Variants in MLLT6 observed in about 807,000 individuals in gnomAD.
The protein encoded by MLLT6 is protein AF-17.
In MLLT6, 22 loss-of-function variants were observed where a neutral mutation model predicts 103.0. The observed-to-expected ratio is 0.21, with a 90% CI of 0.15 to 0.31. The LOEUF (loss-of-function observed/expected upper bound fraction) is 0.31, where lower values mean the gene tolerates loss of function less well. Ranked by LOEUF, MLLT6 falls within the 10% of genes least tolerant of loss-of-function variation. MLLT6 has a pLI of 1.00. For synonymous variants in MLLT6, 606 were observed against 623.5 expected (o/e 0.97, Z 0.42); for missense variants, 1,199 against 1,441.7 (o/e 0.83, Z 2.73).
chr17:38,712,066 C>T (rs1381490142), intron 7 of MLLT6, 52 bp downstream of exon 7: 1 of 1,477,956 alleles, frequency 6.8e-7, no homozygotes, highest in Non-Finnish European at 9.0e-7. Context: ...CTTGGAGACT[C>T]ACAAACATGG....
Position 38,727,402 on chromosome 17 carries a change from C to T in MLLT6, c.*1804C>T, listed in dbSNP as rs1906097977. 4.3e-6 allele frequency: 1 copy of T among 230,542 alleles called. No individual in the cohort carries two copies. The highest frequency in any genetic ancestry group is 2.2e-5 in the African/African-American group (1 of 45,086). 14.3% of individuals were successfully genotyped at this position (230,542 alleles called of 1,614,324 possible). A position where few individuals can be genotyped will look rare whatever the true frequency, so the allele number is the denominator to read the frequency against. ...GTTGTGATGACCTCAGAAATACTCA[C>T]TTTTTATTAATGCTAAATATGTTAG... On this transcript the variant is annotated 3_prime_UTR_variant, in exon 20 of 20. Coordinates refer to ENST00000621332, the MANE Select transcript of MLLT6 (RefSeq NM_005937.4).
At position 38,729,610 on chromosome 17, in the gene MLLT6, CA is replaced by C; in HGVS notation, c.*4013del. 1 of 232,390 alleles carries C rather than the reference CA, an allele frequency of 4.3e-6. No individual in the cohort carries two copies. Among genetic ancestry groups the C allele is most frequent in the Non-Finnish European group, 8.5e-6 (1 of 117,290 alleles). The allele number at this position is 232,390 out of a possible 1,614,324, so 14.4% of individuals were successfully genotyped here. ...ATTGCAAACCCAGGGGCTCCTTTTT[CA>C]TTCTTTCTAAAACCTTGATATCCTC... On this transcript the variant is annotated 3_prime_UTR_variant, in exon 20 of 20. Transcript: ENST00000621332.
In MLLT6 at chr17:38,727,590, G is replaced by T. The variant is rs530269434; in HGVS notation, c.*1992G>T. The stretch of plus-strand genomic sequence containing the variant: ...GGCTGAGGCGGGCGGATCACTTAAG[G>T]TCAGGAGTTCAAGACCAGCCTGGCC... On this transcript the variant is annotated 3_prime_UTR_variant, in exon 20 of 20. Transcript: ENST00000621332. 1.5e-5 allele frequency: 3 copies of T among 194,088 alleles called. No individual in the cohort carries two copies. Among genetic ancestry groups the T allele is most frequent in the South Asian group, 1.9e-4 (1 of 5,160 alleles). The allele number at this position is 194,088 out of a possible 1,614,324, so 12.0% of individuals were successfully genotyped here. A position where few individuals can be genotyped will look rare whatever the true frequency, so the allele number is the denominator to read the frequency against.
chr17:38,720,722 A>G lies in MLLT6; in HGVS notation c.2417A>G (p.Asp806Gly), dbSNP rs1212382796. The G allele has an allele frequency of 6.2e-7, 1 of 1,613,854 alleles. No homozygotes were observed. The highest frequency in any genetic ancestry group is 8.5e-7 in the Non-Finnish European group (1 of 1,180,030). ...CCGGGAAAGAGCAGCCTCGGCCTGG[A>G]CAACTCGCTGTCCACTTCTTCTGAG... ...SPPGKSSLGL[D>G]NSLSTSSEDP... The change falls in exon 16 of 20, where the codon GAC becomes GGC. Residue 806 changes from aspartate (D) to glycine (G), a missense_variant. Asp to Gly is a moderately conservative substitution (Grantham distance 94, BLOSUM62 -1). Around this residue, in one of 7 missense-constraint regions of MLLT6, gnomAD observed 1,034 missense variants for 1,091.5 expected, o/e 0.95. Transcript: ENST00000621332.
chr17:38,705,884 T>TC (rs1205486035), intron 1 of MLLT6, 143 bp downstream of exon 1: 1 of 290,148 alleles, frequency 3.4e-6, no homozygotes, highest in Non-Finnish European at 6.2e-6. Context: ...TAGGGGGAGC[T>TC]CCCCCCGCCC....
intron 8 of MLLT6, 150 bp from the exon 9 acceptor site, chr17:38,715,462 T>C: frequency 1.5e-6 from 2 of 1,360,264 alleles, no homozygotes; most frequent in Non-Finnish European, 1.9e-6. Flanking sequence ...TAGGAGCTCC[T>C]GGCCACTCCC....
In MLLT6 at chr17:38,716,811, C is replaced by A. The variant is rs1459380294; in HGVS notation, c.1481C>A (p.Ala494Asp). 3.7e-6 allele frequency: 6 copies of A among 1,611,842 alleles called. No individual in the cohort carries two copies. Among genetic ancestry groups the A allele is most frequent in the Non-Finnish European group, 5.1e-6 (6 of 1,178,960 alleles). The stretch of plus-strand genomic sequence containing the variant: ...AACAAGGAGGGCACTGGGGGCCCAG[C>A]TGCCCCATCCTTGCCCAGTGCCCAG... ...SRNKEGTGGP[A>D]APSLPSAQLA... The change falls in exon 10 of 20, where the codon GCT becomes GAT. Residue 494 changes from alanine (A) to aspartate (D), a missense_variant. This residue lies in a region of MLLT6 where 1,034 missense variants were observed against 1,091.5 expected (regional missense o/e 0.95). Transcript: ENST00000621332. This position sits in a 1 kb window ranked among gnomAD's most constrained non-coding sequence, Gnocchi z 5.6.
intron 8 of MLLT6, chr17:38,715,382 C>T (rs1184137339): frequency 1.8e-6 from 1 of 558,262 alleles, no homozygotes; most frequent in Non-Finnish European, 3.0e-6. Context: ...CAGACACCTT[C>T]TTGGGTTCAG....
rs1346405406 is a variant in MLLT6, at chr17:38,715,938, T to G, written c.1036+110T>G. On this transcript the variant is annotated intron_variant, in intron 9 of 19. Coordinates refer to ENST00000621332, the MANE Select transcript of MLLT6 (RefSeq NM_005937.4). ...TTTTGCATCTCATTTACTTCTCCATTGGTTCAGGATAAAGATGGGGAATCC... is the reference window on the plus strand; with the variant it reads ...TTTTGCATCTCATTTACTTCTCCATGGGTTCAGGATAAAGATGGGGAATCC... 6.2e-6 allele frequency: 6 copies of G among 967,294 alleles called. No individual in the cohort carries two copies. The Admixed American group carries it at 1.2e-4, about 20-fold the overall frequency. 59.9% of individuals were successfully genotyped at this position (967,294 alleles called of 1,614,324 possible).
intron 19 of MLLT6, 146 bp from the exon 20 acceptor site, chr17:38,725,411 C>T (rs924706402): frequency 2.8e-6 from 2 of 714,604 alleles, no homozygotes; most frequent in Non-Finnish European, 4.7e-6. Flanking sequence ...GGCCCTGGTG[C>T]ACACCCCTCA....
intron 17 of MLLT6, 66 bp from the exon 18 acceptor site, chr17:38,722,612 G>C: frequency 1.2e-6 from 1 of 858,726 alleles, no homozygotes; most frequent in Non-Finnish European, 1.9e-6. Context: ...AGGAGCAGGA[G>C]TGTTTCCCTG....
In MLLT6 at chr17:38,717,660, C is replaced by T. The variant is rs775515835; in HGVS notation, c.1833+47C>T. The T allele has an allele frequency of 3.2e-6, 5 of 1,582,004 alleles. No homozygotes were observed. The African/African-American group carries it at 5.4e-5, about 17-fold the overall frequency. ...CCTCCTTCCCTGGGCAGGTTGGGGA[C>T]AGACTGACAGAGGACCCCAGCCTTC... On this transcript the variant is annotated intron_variant, in intron 11 of 19. Coordinates refer to ENST00000621332, the MANE Select transcript of MLLT6 (RefSeq NM_005937.4).
Position 38,726,399 on chromosome 17 carries a change from G to GTC in MLLT6, c.*802_*803insCT, listed in dbSNP as rs1298275154. On this transcript the variant is annotated 3_prime_UTR_variant, in exon 20 of 20. Transcript: ENST00000621332. The stretch of plus-strand genomic sequence containing the variant: ...TGTGTGTGTGTGTGTGTGTGTGTGT[G>GTC]TGTCTGTCTGCCTGTCTCTCTCCTC... 309 of 233,812 alleles carry GTC rather than the reference G, an allele frequency of 1.3e-3. No homozygotes were observed. The highest frequency in any genetic ancestry group is 4.8e-3 in the African/African-American group (219 of 45,234). The allele number at this position is 233,812 out of a possible 1,614,324, so 14.5% of individuals were successfully genotyped here.
chr17:38,728,804 G>A lies in MLLT6; in HGVS notation c.*3206G>A, dbSNP rs1225848128. On this transcript the variant is annotated 3_prime_UTR_variant, in exon 20 of 20. Coordinates refer to ENST00000621332, the MANE Select transcript of MLLT6 (RefSeq NM_005937.4). ...TGTGTGACACACGGTGTGAGTGCAG[G>A]GCTGTGCCCGGGGTGGGAGGGTGTC... The A allele has an allele frequency of 4.3e-6, 1 of 234,064 alleles. No individual in the cohort carries two copies. Among genetic ancestry groups the A allele is most frequent in the East Asian group, 6.0e-5 (1 of 16,612 alleles). The allele number at this position is 234,064 out of a possible 1,614,324, so 14.5% of individuals were successfully genotyped here.
chr17:38,705,609 GC>G lies in MLLT6; in HGVS notation c.-20del. On this transcript the variant is annotated 5_prime_UTR_variant, in exon 1 of 20. Coordinates refer to ENST00000621332, the MANE Select transcript of MLLT6 (RefSeq NM_005937.4). Reference sequence around the variant, plus strand: ...CCCCGCCGGCCGGCCCCCCGCCCCAGCCCCGGAGGGAGCTCATGGGAGTATG... The same window carrying G: ...CCCCGCCGGCCGGCCCCCCGCCCCAGCCCGGAGGGAGCTCATGGGAGTATG... The G allele has an allele frequency of 1.2e-6, 1 of 834,180 alleles. No individual in the cohort carries two copies. The highest frequency in any genetic ancestry group is 1.5e-5 in the South Asian group (1 of 67,280). 51.7% of individuals were successfully genotyped at this position (834,180 alleles called of 1,614,324 possible). A position where few individuals can be genotyped will look rare whatever the true frequency, so the allele number is the denominator to read the frequency against.
rs1319786006 is a variant in MLLT6 at position 38,709,298 on chromosome 17, C to G, written c.458+22C>G. The G allele has an allele frequency of 1.3e-6, 2 of 1,591,450 alleles. No homozygotes were observed. Among genetic ancestry groups the G allele is most frequent in the Non-Finnish European group, 1.7e-6 (2 of 1,159,294 alleles). Reference sequence around the variant, plus strand: ...CCTGGTGAGACCCCTGTCCCACCCCCCTGCCCCCCGGGTTTGTCCTGGATG... The same window carrying G: ...CCTGGTGAGACCCCTGTCCCACCCCGCTGCCCCCCGGGTTTGTCCTGGATG... On this transcript the variant is annotated intron_variant, in intron 5 of 19. Transcript: ENST00000621332. The surrounding 1 kb of genome is among the most constrained non-coding windows in gnomAD (Gnocchi z 4.3).
chr17:38,707,973 C>A, intron 4 of MLLT6, 101 bp downstream of exon 4: 1 of 805,468 alleles, frequency 1.2e-6, no homozygotes, highest in South Asian at 1.5e-5. Context: ...CCAACGAGCA[C>A]TGAAAGGGAA....
At chr17:38,708,131 T>C (rs1905009374) in intron 4 of MLLT6, 2 of 521,936 alleles carry the variant, frequency 3.8e-6, no homozygotes, top group Non-Finnish European at 6.9e-6. Context: ...ATTCATTCGC[T>C]GGACACATTT....
intron 1 of MLLT6, chr17:38,706,611 G>T (rs1904935731): frequency 4.2e-6 from 1 of 237,800 alleles, no homozygotes; most frequent in Non-Finnish European, 8.0e-6. Flanking sequence ...GGTCGTGACT[G>T]TTGTCCCCTC....
Sources: allele counts gnomAD v4.1 joint callset, GRCh38; gene constraint gnomAD v4.1.1; regional missense constraint gnomAD v4.1.1; non-coding constraint Gnocchi (gnomAD v3.1); transcripts MANE v1.5; gene names NCBI Gene and HGNC (gene_info 2026-07-23, HGNC 2026-07-21).